Variants in WWOX observed in about 807,000 individuals in gnomAD.
WWOX encodes WW domain-containing oxidoreductase.
In WWOX, 69 loss-of-function variants were observed where a neutral mutation model predicts 46.2. The ratio of observed to expected loss-of-function variants is 1.49; its 90% CI spans 1.23 to 1.82. WWOX has a LOEUF of 1.82. WWOX is among the 40% of genes most tolerant of loss of function. The probability of loss-of-function intolerance (pLI) is 0.00; values close to 1 mark genes in which losing one functional copy is unlikely to be tolerated. For synonymous variants in WWOX, 359 were observed against 202.6 expected, an observed-to-expected ratio of 1.77 and a Z score of -6.56; for missense variants, 919 against 542.6, an observed-to-expected ratio of 1.69 and a Z score of -6.89.
At chr16:78,733,467 G>A (rs112269327) in intron 8 of WWOX, among the ~76,000 whole-genome samples, 10,095 of 150,878 alleles carry the variant, frequency 0.067, 952 homozygotes, top group African/African-American at 0.21. Context: ...AAAATAACTG[G>A]CTGGGCATGG....
At chr16:78,940,161 G>A (rs577003038) in intron 8 of WWOX, among the ~76,000 whole-genome samples, 3 of 152,138 alleles carry the variant, frequency 2.0e-5, no homozygotes, top group African/African-American at 4.8e-5. Flanking sequence ...TTAGGCAAAT[G>A]TATGCAGATT....
At chr16:78,674,945 C>G (rs2047556302) in intron 8 of WWOX, among the ~76,000 whole-genome samples, 1 of 151,822 alleles carries the variant, frequency 6.6e-6, no homozygotes, top group African/African-American at 2.4e-5. Context: ...TTCAAGTTGT[C>G]TACCCTTATT....
At chr16:78,888,205 C>G (rs1266968086) in intron 8 of WWOX, among the ~76,000 whole-genome samples, 1 of 152,176 alleles carries the variant, frequency 6.6e-6, no homozygotes, top group Admixed American at 6.5e-5. Flanking sequence ...AAATGTTTAA[C>G]CCTACCCAAG....
chr16:78,482,717 T>C (rs2084525811), intron 8 of WWOX, among the ~76,000 whole-genome samples: 1 of 152,156 alleles, frequency 6.6e-6, no homozygotes, highest in Non-Finnish European at 1.5e-5. Context: ...AAAAAGCTGG[T>C]AAGTGGCAGA....
chr16:78,709,422 G>GC, intron 8 of WWOX, among the ~76,000 whole-genome samples: 1 of 152,180 alleles, frequency 6.6e-6, no homozygotes, highest in East Asian at 1.9e-4. Context: ...CCAGCCTGTT[G>GC]CAAGTAATCG....
At chr16:78,790,845 C>G (rs1011771483) in intron 8 of WWOX, among the ~76,000 whole-genome samples, 2 of 151,570 alleles carry the variant, frequency 1.3e-5, no homozygotes, top group African/African-American at 4.9e-5. Context: ...ATGGTGAAAC[C>G]TCATTTCTAC....
intron 5 of WWOX, among the ~76,000 whole-genome samples, chr16:78,176,367 C>T (rs377368814): frequency 2.6e-5 from 4 of 152,162 alleles, no homozygotes; most frequent in African/African-American, 9.7e-5. Flanking sequence ...AGCTGGAGAG[C>T]GTGCAGACTC....
At chr16:78,326,945 A>C (rs1597487302) in intron 5 of WWOX, among the ~76,000 whole-genome samples, 1 of 152,278 alleles carries the variant, frequency 6.6e-6, no homozygotes, top group East Asian at 1.9e-4. Context: ...TTTACTTTGC[A>C]AACTGAATTT....
chr16:78,798,591 G>GTTT (rs34236291), intron 8 of WWOX, among the ~76,000 whole-genome samples: 4,144 of 98,208 alleles, frequency 0.042, 207 homozygotes, highest in African/African-American at 0.11. Context: ...TTGTTGTTGG[G>GTTT]TTTTTTTTTT....
chr16:78,697,497 A>G (rs183406892), intron 8 of WWOX, among the ~76,000 whole-genome samples: 1 of 152,110 alleles, frequency 6.6e-6, no homozygotes, highest in South Asian at 2.1e-4. Flanking sequence ...ATCTATACAA[A>G]TCTATACGTC....
At chr16:78,732,972 T>C (rs1343024922) in intron 8 of WWOX, among the ~76,000 whole-genome samples, 2 of 152,190 alleles carry the variant, frequency 1.3e-5, no homozygotes, top group Non-Finnish European at 2.9e-5. Context: ...TGGCTCTTTA[T>C]TTCCTTCTCG....
chr16:78,156,337 G>A (rs7206273), intron 4 of WWOX, among the ~76,000 whole-genome samples: 119,611 of 152,120 alleles, frequency 0.79, 47,170 homozygotes, highest in East Asian at 0.9. Flanking sequence ...GAAAAACGGC[G>A]TGCTTTTCCC....
chr16:78,218,363 A>G (rs2036788579), intron 5 of WWOX, among the ~76,000 whole-genome samples: 1 of 152,096 alleles, frequency 6.6e-6, no homozygotes, highest in African/African-American at 2.4e-5. Context: ...CTGGGATTAC[A>G]AGCCTGAGCC....
intron 8 of WWOX, among the ~76,000 whole-genome samples, chr16:79,011,362 G>T (rs113862325): frequency 4.2e-3 from 644 of 151,640 alleles, no homozygotes; most frequent in Non-Finnish European, 7.3e-3. Flanking sequence ...CTCCAATCCT[G>T]CCCCCTTTGG....
chr16:78,686,425 G>T (rs1219725663), intron 8 of WWOX, among the ~76,000 whole-genome samples: 1 of 152,080 alleles, frequency 6.6e-6, no homozygotes, highest in African/African-American at 2.4e-5. Flanking sequence ...GCAGGAGAAT[G>T]GTGTCAACCC....
chr16:78,559,048 C>T (rs927144335), intron 8 of WWOX, among the ~76,000 whole-genome samples: 7 of 152,160 alleles, frequency 4.6e-5, no homozygotes, highest in African/African-American at 7.2e-5. Context: ...CTGGCCGCTA[C>T]GTGGAAGGAC....
At chr16:78,798,596 T>TG (rs1567567862) in intron 8 of WWOX, among the ~76,000 whole-genome samples, 2 of 151,212 alleles carry the variant, frequency 1.3e-5, no homozygotes, top group African/African-American at 4.9e-5. Context: ...GTTGGGTTTT[T>TG]TTTTTTTTTT....
chr16:78,213,986 A>C (rs945510143), intron 5 of WWOX, among the ~76,000 whole-genome samples: 1 of 152,058 alleles, frequency 6.6e-6, no homozygotes, highest in Non-Finnish European at 1.5e-5. Context: ...TCTTCTAAGC[A>C]CTGAAATGAG....
intron 8 of WWOX, among the ~76,000 whole-genome samples, chr16:78,961,174 G>C (rs562767683): frequency 6.6e-6 from 1 of 152,204 alleles, no homozygotes; most frequent in Admixed American, 6.5e-5. Context: ...AAAAGCCAGG[G>C]GTCCTTTATG....
Sources: gnomAD v4.1 joint callset for allele counts (sites outside exome capture counted in the v4.1 genomes callset) on GRCh38, gnomAD v4.1.1 for gene constraint, MANE v1.5 for transcripts, NCBI Gene and HGNC (gene_info 2026-07-23, HGNC 2026-07-21) for gene names.